The following RIMS2 variants were observed in gnomAD, a reference collection of about 807,000 sequenced individuals.
RIMS2 encodes the protein regulating synaptic membrane exocytosis protein 2.
A neutral mutation model predicts 174.4 loss-of-function variants in RIMS2; 59 were observed. The observed-to-expected ratio is 0.34, with a 90% CI of 0.27 to 0.42. RIMS2 has a LOEUF of 0.42. Ranked by LOEUF, RIMS2 falls within the 10% of genes least tolerant of loss-of-function variation. The pLI, the probability that RIMS2 is intolerant of heterozygous loss-of-function variation, is 1.00. For synonymous variants in RIMS2, 606 were observed against 572.5 expected (o/e 1.06, Z -0.84); for missense variants, 1,620 against 1,666.3 (o/e 0.97, Z 0.48).
At chr8:104,191,723 G>A (rs974424403) in intron 19 of RIMS2, among the ~76,000 whole-genome samples, 1 of 152,080 alleles carries the variant, frequency 6.6e-6, no homozygotes, top group East Asian at 1.9e-4. Context: ...ATTTGTTAGT[G>A]TAGAGCTGAT....
At chr8:103,684,583 T>TTG (rs1326673384) in intron 1 of RIMS2, among the ~76,000 whole-genome samples, 2 of 127,724 alleles carry the variant, frequency 1.6e-5, no homozygotes, top group African/African-American at 3.0e-5. Flanking sequence ...TATTTTATTT[T>TTG]ATTTTATTTT....
chr8:104,150,940 A>G (rs1425021311), intron 19 of RIMS2, among the ~76,000 whole-genome samples: 1 of 152,222 alleles, frequency 6.6e-6, no homozygotes, highest in Non-Finnish European at 1.5e-5. Context: ...CAGAAGACAG[A>G]AATCCTTCTT....
At chr8:104,073,664 T>C (rs2097236171) in intron 19 of RIMS2, among the ~76,000 whole-genome samples, 1 of 152,178 alleles carries the variant, frequency 6.6e-6, no homozygotes, top group African/African-American at 2.4e-5. Flanking sequence ...ACCCATAATA[T>C]AATAGATTGG....
intron 1 of RIMS2, among the ~76,000 whole-genome samples, chr8:103,512,787 T>C (rs898906337): frequency 1.3e-5 from 2 of 152,166 alleles, no homozygotes; most frequent in African/African-American, 4.8e-5. Flanking sequence ...AATTTTGTCT[T>C]ATTTGCTTTC....
intron 3 of RIMS2, among the ~76,000 whole-genome samples, chr8:103,781,586 T>C (rs1041706622): frequency 1.3e-5 from 2 of 152,144 alleles, no homozygotes; most frequent in African/African-American, 4.8e-5. Context: ...TAAAAAACGG[T>C]TCAAAATCTT....
chr8:103,733,277 A>G (rs1367897389), intron 2 of RIMS2, among the ~76,000 whole-genome samples: 1 of 152,010 alleles, frequency 6.6e-6, no homozygotes, highest in African/African-American at 2.4e-5. Flanking sequence ...ACCCTGTTCT[A>G]CTGTGGCTTA....
chr8:103,907,020 A>G (rs753877395), intron 4 of RIMS2, among the ~76,000 whole-genome samples: 2 of 152,214 alleles, frequency 1.3e-5, no homozygotes, highest in Non-Finnish European at 2.9e-5. Flanking sequence ...TACAAATTGC[A>G]TATTGTGTGT....
rs1377088136 is a variant in RIMS2 at position 103,910,307 on chromosome 8, T to A, written c.1692+106T>A. On this transcript the variant is annotated intron_variant, in intron 5 of 23. Coordinates refer to ENST00000504942, the Ensembl canonical transcript of RIMS2. ...TTTTTGTATCTTTTTTTTTTTTTTA[T>A]CCCATACCTGTAGGGGACAGTCAAA... 3 of 1,483,692 alleles carry A rather than the reference T, an allele frequency of 2.0e-6. No individual in the cohort carries two copies. Among genetic ancestry groups the A allele is most frequent in the African/African-American group, 1.4e-5 (1 of 70,620 alleles). 91.9% of individuals were successfully genotyped at this position (1,483,692 alleles called of 1,614,324 possible).
At chr8:103,543,190 A>G (rs1373713372) in intron 1 of RIMS2, among the ~76,000 whole-genome samples, 2 of 152,216 alleles carry the variant, frequency 1.3e-5, no homozygotes, top group African/African-American at 4.8e-5. Context: ...TACAAAATCA[A>G]CCTACACAAA....
At chr8:104,052,837 A>T (rs886872639) in intron 19 of RIMS2, among the ~76,000 whole-genome samples, 5 of 152,060 alleles carry the variant, frequency 3.3e-5, no homozygotes, top group East Asian at 3.9e-4. Context: ...GGAATTAAAT[A>T]AAAAAACACT....
At chr8:103,754,016 A>G (rs1042305615) in intron 2 of RIMS2, among the ~76,000 whole-genome samples, 2 of 151,836 alleles carry the variant, frequency 1.3e-5, no homozygotes, top group African/African-American at 4.8e-5. Context: ...TTTAATTGTG[A>G]TGTTAGGGTG....
chr8:104,128,007 G>T lies in RIMS2; in HGVS notation c.3334+113392G>T, dbSNP rs560913209. Among the ~76,000 whole-genome samples the T allele has an allele frequency of 3.9e-5, 6 of 152,196 alleles. No individual in the cohort carries two copies. The East Asian group carries it at 5.8e-4, about 15-fold the overall frequency. Reference sequence around the variant, plus strand: ...GTATATCTTAACTCATGTAGCCTAAGGTTCTATAAACAACATAAATTTTTA... The same window carrying T: ...GTATATCTTAACTCATGTAGCCTAATGTTCTATAAACAACATAAATTTTTA... On this transcript the variant is annotated intron_variant, in intron 19 of 23. Transcript: ENST00000504942.
At chr8:104,215,621 C>G (rs1172586891) in intron 19 of RIMS2, among the ~76,000 whole-genome samples, 3 of 152,168 alleles carry the variant, frequency 2.0e-5, no homozygotes, top group African/African-American at 7.2e-5. Context: ...AGGTGATGTT[C>G]ATCTGGAATT....
chr8:103,818,670 A>G (rs868663857), intron 3 of RIMS2, among the ~76,000 whole-genome samples: 4 of 152,294 alleles, frequency 2.6e-5, no homozygotes, highest in South Asian at 4.1e-4. Flanking sequence ...GAAAAGCTAT[A>G]ATGTTTTTCT....
At chr8:103,719,287 C>T (rs1173289261) in intron 2 of RIMS2, among the ~76,000 whole-genome samples, 1 of 152,184 alleles carries the variant, frequency 6.6e-6, no homozygotes, top group Non-Finnish European at 1.5e-5. Flanking sequence ...AAAATATTCC[C>T]TTCCCAAATT....
At chr8:103,639,228 C>G (rs2096168135) in intron 1 of RIMS2, among the ~76,000 whole-genome samples, 1 of 151,794 alleles carries the variant, frequency 6.6e-6, no homozygotes, top group Non-Finnish European at 1.5e-5. Flanking sequence ...ATTCCTGACT[C>G]TCTTGTAACT....
chr8:104,151,381 C>A (rs558756432), intron 19 of RIMS2, among the ~76,000 whole-genome samples: 19 of 152,182 alleles, frequency 1.2e-4, no homozygotes, highest in Non-Finnish European at 2.4e-4. Flanking sequence ...CCAGCCTGGG[C>A]AACATGGCAA....
intron 1 of RIMS2, 75 bp downstream of exon 1, chr8:103,501,137 C>T (rs892971897): frequency 3.3e-6 from 4 of 1,211,506 alleles, no homozygotes; most frequent in Non-Finnish European, 1.1e-6. Flanking sequence ...CGGCCGCCTG[C>T]GCGCCCCAGT....
At chr8:103,609,834 A>G (rs1439606546) in intron 1 of RIMS2, among the ~76,000 whole-genome samples, 3 of 152,142 alleles carry the variant, frequency 2.0e-5, no homozygotes, top group Non-Finnish European at 4.4e-5. Flanking sequence ...CTTCTGTATG[A>G]ATTTTTAAAT....
Sources: gnomAD v4.1 joint callset for allele counts (sites outside exome capture counted in the v4.1 genomes callset) on GRCh38, gnomAD v4.1.1 for gene constraint, MANE v1.5 for transcripts, NCBI Gene and HGNC (gene_info 2026-07-23, HGNC 2026-07-21) for gene names.